The following CCBE1 variants were observed in gnomAD, a reference collection of about 807,000 sequenced individuals.
The protein encoded by CCBE1 is collagen and calcium binding EGF domains 1, also known as collagen and calcium-binding EGF domain-containing protein 1.
Under a neutral mutation model 50.0 loss-of-function variants are expected in CCBE1, and 37 were observed. The ratio of observed to expected loss-of-function variants is 0.74; its 90% CI spans 0.57 to 0.97. The LOEUF is 0.97. Among genes scored for constraint, CCBE1 ranks in the 50% least tolerant of loss-of-function variants. CCBE1 has a pLI of 0.00. For synonymous variants in CCBE1, 234 were observed against 203.7 expected, an observed-to-expected ratio of 1.15 and a Z score of -1.27; for missense variants, 538 against 523.8, an observed-to-expected ratio of 1.03 and a Z score of -0.26.
intron 2 of CCBE1, among the ~76,000 whole-genome samples, chr18:59,605,276 G>A (rs577880541): frequency 2.6e-5 from 4 of 152,304 alleles, no homozygotes; most frequent in Admixed American, 6.5e-5. Flanking sequence ...AAGTCTTTAA[G>A]AACACCAAAG....
At chr18:59,531,194 C>A (rs925483980) in intron 2 of CCBE1, among the ~76,000 whole-genome samples, 2 of 151,950 alleles carry the variant, frequency 1.3e-5, no homozygotes, top group Non-Finnish European at 2.9e-5. Flanking sequence ...GTTGGCCATG[C>A]GATTACCAAA....
At chr18:59,612,916 T>G (rs1237647352) in intron 2 of CCBE1, among the ~76,000 whole-genome samples, 1 of 149,504 alleles carries the variant, frequency 6.7e-6, no homozygotes, top group Non-Finnish European at 1.5e-5. Flanking sequence ...AAAGAATTCC[T>G]AGTCTGCTTG....
At chr18:59,545,802 T>A (rs946339807) in intron 2 of CCBE1, among the ~76,000 whole-genome samples, 1 of 152,204 alleles carries the variant, frequency 6.6e-6, no homozygotes, top group African/African-American at 2.4e-5. Context: ...CCCTTTTACA[T>A]CTTCCTCATT....
chr18:59,454,835 C>A lies in CCBE1; in HGVS notation c.654+16G>T, dbSNP rs1181312240. ...CTTCCATCAGGCATCATCGTTCCCA[C>A]CCCAGCGGCACGTACCTTTTGCTTC... On this transcript the variant is annotated intron_variant, in intron 6 of 10. Coordinates refer to ENST00000439986, the MANE Select transcript of CCBE1 (RefSeq NM_133459.4). 1 of 1,609,586 alleles carries A rather than the reference C, an allele frequency of 6.2e-7. No homozygotes were observed. Among genetic ancestry groups the A allele is most frequent in the Non-Finnish European group, 8.5e-7 (1 of 1,175,844 alleles).
intron 2 of CCBE1, among the ~76,000 whole-genome samples, chr18:59,490,974 G>A (rs867144686): frequency 2.5e-4 from 38 of 152,120 alleles, no homozygotes; most frequent in Admixed American, 6.6e-4. Flanking sequence ...GTCATTGTCC[G>A]GAGACAGCGC....
chr18:59,514,576 T>A (rs1004755237), intron 2 of CCBE1, among the ~76,000 whole-genome samples: 2 of 148,636 alleles, frequency 1.3e-5, no homozygotes, highest in African/African-American at 5.0e-5. Flanking sequence ...TTGTTTTCTA[T>A]GGAATACAGA....
At chr18:59,533,465 A>G (rs571783731) in intron 2 of CCBE1, among the ~76,000 whole-genome samples, 21 of 152,340 alleles carry the variant, frequency 1.4e-4, no homozygotes, top group African/African-American at 5.1e-4. Context: ...TTTTTAGTGC[A>G]TACTTTTCAA....
At chr18:59,543,851 A>AC (rs1304072649) in intron 2 of CCBE1, among the ~76,000 whole-genome samples, 5 of 151,204 alleles carry the variant, frequency 3.3e-5, no homozygotes, top group Non-Finnish European at 7.4e-5. Flanking sequence ...AAAAAAAAAA[A>AC]AAAAAAACAG....
At chr18:59,630,216 G>A (rs1270147969) in intron 2 of CCBE1, among the ~76,000 whole-genome samples, 3 of 151,602 alleles carry the variant, frequency 2.0e-5, no homozygotes, top group Non-Finnish European at 4.4e-5. Context: ...GGGGCAGCTC[G>A]CCAACAAACT....
At chr18:59,575,207 G>A (rs1476282004) in intron 2 of CCBE1, among the ~76,000 whole-genome samples, 1 of 152,080 alleles carries the variant, frequency 6.6e-6, no homozygotes, top group Non-Finnish European at 1.5e-5. Flanking sequence ...AGAACTATGA[G>A]ACAATAAATC....
At chr18:59,460,968 T>TAAATAATAA (rs776006255) in intron 5 of CCBE1, among the ~76,000 whole-genome samples, 1 of 144,612 alleles carries the variant, frequency 6.9e-6, no homozygotes, top group Non-Finnish European at 1.5e-5. Context: ...AATAAATAAA[T>TAAATAATAA]AATAAAATAA....
intron 2 of CCBE1, among the ~76,000 whole-genome samples, chr18:59,507,512 G>A (rs1385489653): frequency 1.3e-5 from 2 of 152,128 alleles, no homozygotes; most frequent in East Asian, 3.9e-4. Context: ...TGTCAGATCC[G>A]CCACCCTCTG....
intron 2 of CCBE1, among the ~76,000 whole-genome samples, chr18:59,502,935 C>G (rs1219447371): frequency 6.6e-6 from 1 of 152,168 alleles, no homozygotes; most frequent in Non-Finnish European, 1.5e-5. Context: ...ATAATAAATC[C>G]CCTTACAAAG....
chr18:59,651,066 T>C (rs1435473808), intron 2 of CCBE1, among the ~76,000 whole-genome samples: 2 of 152,160 alleles, frequency 1.3e-5, no homozygotes, highest in African/African-American at 4.8e-5. Flanking sequence ...AACTTGGATA[T>C]AGGGTGGGAT....
intron 7 of CCBE1, among the ~76,000 whole-genome samples, chr18:59,442,107 A>G (rs1156249268): frequency 6.6e-6 from 1 of 152,186 alleles, no homozygotes; most frequent in Non-Finnish European, 1.5e-5. Flanking sequence ...TCTTGTCTCC[A>G]TCACCACAGA....
chr18:59,461,750 T>TTTTTTTG (rs1911490145), intron 5 of CCBE1, among the ~76,000 whole-genome samples: 2 of 147,924 alleles, frequency 1.4e-5, no homozygotes, highest in Admixed American at 6.8e-5. Context: ...TTTTTTTTTT[T>TTTTTTTG]GAGACAGAGT....
chr18:59,539,252 T>A (rs1075946), intron 2 of CCBE1, among the ~76,000 whole-genome samples: 50,756 of 151,780 alleles, frequency 0.33, 8,766 homozygotes, highest in African/African-American at 0.37. Flanking sequence ...GACTGCCATC[T>A]TGCTGGCTCT....
chr18:59,656,066 AAGG>A (rs1412714595), intron 2 of CCBE1, among the ~76,000 whole-genome samples: 1 of 152,210 alleles, frequency 6.6e-6, no homozygotes, highest in Non-Finnish European at 1.5e-5. Context: ...AGGAAAAGGC[AAGG>A]AGGAGGAGGT....
chr18:59,570,615 G>A (rs746754653), intron 2 of CCBE1, among the ~76,000 whole-genome samples: 18 of 151,922 alleles, frequency 1.2e-4, no homozygotes, highest in African/African-American at 1.2e-4. Context: ...AGTATTCTGC[G>A]ACACTGCCAG....
Sources: gnomAD v4.1 joint callset for allele counts (sites outside exome capture counted in the v4.1 genomes callset) on GRCh38, gnomAD v4.1.1 for gene constraint, MANE v1.5 for transcripts, NCBI Gene and HGNC (gene_info 2026-07-23, HGNC 2026-07-21) for gene names.